Variants in ACAT1 observed in about 807,000 individuals in gnomAD.
ACAT1 encodes acetyl-CoA acetyltransferase 1.
Under a neutral mutation model 47.3 loss-of-function variants are expected in ACAT1, and 28 were observed. That is an observed-to-expected ratio of 0.59 (90% CI 0.44 to 0.81). ACAT1 has a LOEUF of 0.81. Ranked by LOEUF, ACAT1 falls within the 30% of genes least tolerant of loss-of-function variation. The pLI is 0.00. For missense variants in ACAT1, 469 were observed against 524.3 expected (o/e 0.89, Z 1.03); for synonymous variants, 181 against 173.6 (o/e 1.04, Z -0.34).
intron 8 of ACAT1, 127 bp from the exon 9 acceptor site, chr11:108,142,310 T>C (rs753776936): frequency 3.6e-5 from 27 of 749,306 alleles, no homozygotes; most frequent in Admixed American, 1.8e-4. Flanking sequence ...AGGGCAGGAA[T>C]TGTCTCCACC....
At chr11:108,117,601 A>C (rs1356926383), upstream of ACAT1, among the ~76,000 whole-genome samples, 1 of 152,024 alleles carries the variant, frequency 6.6e-6, no homozygotes, top group African/African-American at 2.4e-5. Flanking sequence ...GAGCCACCAC[A>C]CCTGGCCAGA....
At chr11:108,146,425 C>T (rs2077711398) in intron 11 of ACAT1, 66 bp downstream of exon 11, 2 of 1,567,028 alleles carry the variant, frequency 1.3e-6, no homozygotes, top group Non-Finnish European at 1.8e-6. Context: ...AAACTTAAAA[C>T]TGCTTCATAA....
chr11:108,133,982 C>T (rs763748117), intron 3 of ACAT1, 45 bp downstream of exon 3: 1 of 1,516,128 alleles, frequency 6.6e-7, no homozygotes, highest in Admixed American at 1.7e-5. Flanking sequence ...CAAAAAGATT[C>T]CATGGAAAAG....
intron 4 of ACAT1, 200 bp downstream of exon 4, chr11:108,134,516 T>G (rs1490957864): frequency 5.1e-6 from 2 of 393,438 alleles, no homozygotes; most frequent in Non-Finnish European, 9.5e-6. Flanking sequence ...GGTGGTGCAC[T>G]AATCCCAGCT....
chr11:108,139,158 G>A, intron 6 of ACAT1, 117 bp downstream of exon 6: 2 of 1,370,214 alleles, frequency 1.5e-6, no homozygotes, highest in Non-Finnish European at 2.1e-6. Context: ...GTTGATTTTA[G>A]CCGTGTACTT....
intron 1 of ACAT1, among the ~76,000 whole-genome samples, chr11:108,122,135 A>G (rs1477535239): frequency 6.6e-6 from 1 of 152,210 alleles, no homozygotes; most frequent in Non-Finnish European, 1.5e-5. Flanking sequence ...ATACAAGGGG[A>G]GAGGGCACCA....
chr11:108,118,437 C>T (rs1356144633), upstream of ACAT1, among the ~76,000 whole-genome samples: 1 of 151,860 alleles, frequency 6.6e-6, no homozygotes. Flanking sequence ...TGCAGTGACA[C>T]GATCTTGGCT....
chr11:108,120,955 C>T (rs948267786), upstream of ACAT1, among the ~76,000 whole-genome samples: 2 of 152,064 alleles, frequency 1.3e-5, no homozygotes, highest in East Asian at 1.9e-4. Context: ...AATCCCAGCA[C>T]TTTGGGAGGC....
Position 108,141,592 on chromosome 11 carries a change from A to AT in ACAT1, c.731-8dup. 3 of 1,602,566 alleles carry AT rather than the reference A, an allele frequency of 1.9e-6. No homozygotes were observed. The highest frequency in any genetic ancestry group is 2.6e-6 in the Non-Finnish European group (3 of 1,171,502). On this transcript the variant is annotated splice_polypyrimidine_tract_variant and intron_variant, in intron 7 of 11. Transcript: ENST00000265838. ...TGTTTTGAGCGATTTTACTTAAAATATTTTTATTTTAGGTCAACCAGATGT... is the reference window on the plus strand; with the variant it reads ...TGTTTTGAGCGATTTTACTTAAAATATTTTTTATTTTAGGTCAACCAGATGT...
chr11:108,119,783 G>A (rs774176488), upstream of ACAT1, among the ~76,000 whole-genome samples: 1 of 152,194 alleles, frequency 6.6e-6, no homozygotes, highest in East Asian at 1.9e-4. Flanking sequence ...GAAGGGAAAG[G>A]TGTGAGTGTG....
At chr11:108,137,602 A>C (rs1334270879) in intron 5 of ACAT1, among the ~76,000 whole-genome samples, 2 of 152,296 alleles carry the variant, frequency 1.3e-5, no homozygotes, top group East Asian at 1.9e-4. Flanking sequence ...AATCTTCTAG[A>C]GCACATTAAA....
chr11:108,134,356 T>A, intron 4 of ACAT1, 40 bp downstream of exon 4: 1 of 1,535,426 alleles, frequency 6.5e-7, no homozygotes, highest in Non-Finnish European at 9.0e-7. Context: ...TTAAAATGTG[T>A]AAAAGGGGCC....
At chr11:108,133,987 GAAAAGATATTTA>G in intron 3 of ACAT1, 50 bp downstream of exon 3, 1 of 1,500,196 alleles carries the variant, frequency 6.7e-7, no homozygotes, top group Non-Finnish European at 9.3e-7. Flanking sequence ...AGATTCCATG[GAAAAGATATTTA>G]TTTTGCATTA....
At chr11:108,132,786 G>A (rs919513230) in intron 2 of ACAT1, among the ~76,000 whole-genome samples, 16 of 145,158 alleles carry the variant, frequency 1.1e-4, no homozygotes, top group Admixed American at 2.8e-4. Flanking sequence ...TCCGGGAGGC[G>A]GAGCTTGCAG....
chr11:108,144,376 A>G (rs2077657864), intron 10 of ACAT1, among the ~76,000 whole-genome samples: 1 of 152,202 alleles, frequency 6.6e-6, no homozygotes, highest in Non-Finnish European at 1.5e-5. Context: ...CAGATCTAGA[A>G]TGGAAAGCAA....
chr11:108,141,018 G>T (rs1035534928), intron 7 of ACAT1, among the ~76,000 whole-genome samples: 2 of 151,880 alleles, frequency 1.3e-5, no homozygotes, highest in Non-Finnish European at 2.9e-5. Flanking sequence ...TTGAGCCCAG[G>T]AGTTTGAGAC....
chr11:108,127,400 G>A (rs953005962), intron 1 of ACAT1, among the ~76,000 whole-genome samples: 5 of 151,782 alleles, frequency 3.3e-5, no homozygotes, highest in African/African-American at 9.7e-5. Context: ...AAATAGCTAG[G>A]GCTACAGGTG....
chr11:108,128,936 T>C (rs1476115314), intron 1 of ACAT1: 1 of 152,244 alleles, frequency 6.6e-6, no homozygotes, highest in African/African-American at 2.4e-5. Flanking sequence ...TTGGATTATA[T>C]GAATAAGTTC....
Position 108,138,981 on chromosome 11 carries a change from A to T in ACAT1, c.519A>T (p.Val173=). 6.2e-7 allele frequency: 1 copy of T among 1,614,174 alleles called. No homozygotes were observed. ...GAGGATCAACACCATATGGTGGGGT[A>T]AAGCTTGAAGATTTGATTGTAAAAG... ...MNRGSTPYGG[V]KLEDLIVKDG... Residue 173 remains valine, a synonymous_variant, in exon 6 of 12, where the codon GTA becomes GTT. Coordinates refer to ENST00000265838, the MANE Select transcript of ACAT1 (RefSeq NM_000019.4).
Sources: allele counts gnomAD v4.1 joint callset (sites outside exome capture counted in the v4.1 genomes callset), GRCh38; gene constraint gnomAD v4.1.1; transcripts MANE v1.5; gene names NCBI Gene and HGNC (gene_info 2026-07-23, HGNC 2026-07-21).